DPH6: variants seen among roughly 807,000 people sequenced by gnomAD.
DPH6 encodes diphthamine biosynthesis 6, also known as diphthine--ammonia ligase.
A neutral mutation model predicts 38.2 loss-of-function variants in DPH6; 33 were observed. The ratio of observed to expected loss-of-function variants is 0.86; its 90% CI spans 0.65 to 1.15. The LOEUF is 1.15. DPH6 is among the 50% of genes most tolerant of loss of function. The probability of loss-of-function intolerance (pLI) is 0.00; values close to 1 mark genes in which losing one functional copy is unlikely to be tolerated. For missense variants in DPH6, 325 were observed against 320.0 expected (o/e 1.02, Z -0.12); for synonymous variants, 108 against 103.0 (o/e 1.05, Z -0.30).
intron 3 of DPH6, among the ~76,000 whole-genome samples, chr15:35,460,395 A>C (rs910118355): frequency 6.6e-6 from 1 of 152,220 alleles, no homozygotes; most frequent in African/African-American, 2.4e-5. Flanking sequence ...TAAAGATAAT[A>C]ATGCTAGTAA....
chr15:35,155,233 A>C, the DPH6 span, among the ~76,000 whole-genome samples: 3 of 150,882 alleles, frequency 2.0e-5, no homozygotes, highest in African/African-American at 4.8e-5. Context: ...CTGGATTTAT[A>C]AACTCCTTAT....
intron 8 of DPH6, 139 bp downstream of exon 8, chr15:35,373,382 A>T: frequency 1.6e-6 from 1 of 619,828 alleles, no homozygotes; most frequent in Non-Finnish European, 2.7e-6. Flanking sequence ...TTATTGACTG[A>T]GGAGCTGAAA....
intron 3 of DPH6, chr15:35,521,962 T>C: frequency 2.1e-6 from 3 of 1,426,904 alleles, no homozygotes; most frequent in Non-Finnish European, 1.8e-6. Flanking sequence ...AAATCTTGCC[T>C]AGGTAAGTAC....
chr15:35,426,224 C>G (rs541145445), intron 5 of DPH6, among the ~76,000 whole-genome samples: 2 of 151,712 alleles, frequency 1.3e-5, no homozygotes, highest in South Asian at 4.1e-4. Context: ...TTCAAAAATT[C>G]TCTGCTAAGG....
intron 3 of DPH6, among the ~76,000 whole-genome samples, chr15:35,265,883 T>C (rs1015125499): frequency 6.6e-6 from 1 of 152,208 alleles, no homozygotes; most frequent in African/African-American, 2.4e-5. Flanking sequence ...GTGTCACTGA[T>C]TCAATGTAAC....
chr15:35,217,433 C>A (rs905929341), exon 4 of DPH6: 28 of 152,112 alleles, frequency 1.8e-4, no homozygotes, highest in African/African-American at 6.5e-4. Flanking sequence ...CTCATTGCAA[C>A]CTCTGCCTCC....
intron 3 of DPH6, among the ~76,000 whole-genome samples, chr15:35,276,414 C>G (rs2051859384): frequency 6.6e-6 from 1 of 152,198 alleles, no homozygotes; most frequent in African/African-American, 2.4e-5. Context: ...GTTCCTTTTG[C>G]CATGCAAAAG....
At chr15:35,171,848 A>AAT in the DPH6 span, among the ~76,000 whole-genome samples, 16 of 150,846 alleles carry the variant, frequency 1.1e-4, no homozygotes, top group Admixed American at 2.6e-4. Context: ...AGTATTTTAT[A>AAT]ATATATATAT....
chr15:35,179,386 T>C, the DPH6 span, among the ~76,000 whole-genome samples: 1 of 152,034 alleles, frequency 6.6e-6, no homozygotes, highest in Non-Finnish European at 1.5e-5. Context: ...ATAGGATGTT[T>C]ATGTAGATAA....
intron 3 of DPH6, among the ~76,000 whole-genome samples, chr15:35,284,639 G>A (rs2051927403): frequency 6.6e-6 from 1 of 150,384 alleles, no homozygotes; most frequent in Non-Finnish European, 1.5e-5. Flanking sequence ...TTGGAAAAAT[G>A]AATGAAAGAA....
intron 3 of DPH6, chr15:35,521,689 G>C: frequency 8.1e-7 from 1 of 1,231,166 alleles, no homozygotes; most frequent in African/African-American, 1.6e-5. Flanking sequence ...TATTGAAGAA[G>C]AGCAGCATAT....
chr15:35,270,488 C>A (rs1489547394), intron 3 of DPH6, among the ~76,000 whole-genome samples: 1 of 152,072 alleles, frequency 6.6e-6, no homozygotes, highest in African/African-American at 2.4e-5. Flanking sequence ...TTTTTTCTAG[C>A]CTTCATGAAT....
chr15:35,530,575 AAT>A (rs905391999), intron 3 of DPH6, among the ~76,000 whole-genome samples: 1 of 152,160 alleles, frequency 6.6e-6, no homozygotes, highest in Non-Finnish European at 1.5e-5. Context: ...GTGCATGTGC[AAT>A]ATATACACAC....
chr15:35,498,160 C>T (rs556546123), intron 3 of DPH6, among the ~76,000 whole-genome samples: 13 of 152,160 alleles, frequency 8.5e-5, no homozygotes, highest in Non-Finnish European at 1.6e-4. Flanking sequence ...AATTAAAAAA[C>T]CCACAACCTT....
At chr15:35,316,111 AC>A (rs140038562) in intron 3 of DPH6, among the ~76,000 whole-genome samples, 3,853 of 152,186 alleles carry the variant, frequency 0.025, 152 homozygotes, top group African/African-American at 0.089. Flanking sequence ...AAGAAATAAG[AC>A]CTAGTATTTG....
intron 3 of DPH6, among the ~76,000 whole-genome samples, chr15:35,304,134 T>C (rs937310978): frequency 1.3e-5 from 2 of 152,122 alleles, no homozygotes; most frequent in African/African-American, 2.4e-5. Context: ...ATTTATCTGA[T>C]TATCTAACAA....
chr15:35,214,128 G>T (rs1010850281), downstream of DPH6, among the ~76,000 whole-genome samples: 2 of 148,538 alleles, frequency 1.3e-5, no homozygotes, highest in East Asian at 4.0e-4. Context: ...AAAAAAAAAA[G>T]GCTTAAAGAA....
At chr15:35,147,059 G>A in the DPH6 span, among the ~76,000 whole-genome samples, 1 of 152,166 alleles carries the variant, frequency 6.6e-6, no homozygotes, top group Non-Finnish European at 1.5e-5. Flanking sequence ...GCCAAATAGA[G>A]CTCATTATTG....
intron 5 of DPH6, 25 bp downstream of exon 5, chr15:35,450,660 C>T: frequency 6.3e-7 from 1 of 1,577,114 alleles, no homozygotes; most frequent in Non-Finnish European, 8.7e-7. Flanking sequence ...CAACAAACAG[C>T]TCCCTTGATA....
Sources: allele counts gnomAD v4.1 joint callset (sites outside exome capture counted in the v4.1 genomes callset), GRCh38; gene constraint gnomAD v4.1.1; transcripts MANE v1.5; gene names NCBI Gene and HGNC (gene_info 2026-07-23, HGNC 2026-07-21).